The following LLGL1 variants were observed in gnomAD, a reference collection of about 807,000 sequenced individuals.
LLGL1 encodes LLGL scribble cell polarity complex component 1, also known as lethal(2) giant larvae protein homolog 1.
A neutral mutation model predicts 110.6 loss-of-function variants in LLGL1; 58 were observed. The ratio of observed to expected loss-of-function variants is 0.52; its 90% CI spans 0.42 to 0.65. The LOEUF (loss-of-function observed/expected upper bound fraction) is 0.65, where lower values mean the gene tolerates loss of function less well. Ranked by LOEUF, LLGL1 falls within the 30% of genes least tolerant of loss-of-function variation. LLGL1 has a pLI of 0.00. For missense variants in LLGL1, 1,229 were observed against 1,462.1 expected, an observed-to-expected ratio of 0.84 and a Z score of 2.60; for synonymous variants, 674 against 607.2, an observed-to-expected ratio of 1.11 and a Z score of -1.62.
Position 18,237,502 on chromosome 17 carries a change from G to C in LLGL1, c.1633G>C (p.Asp545His), listed in dbSNP as rs2047720197. ...AGQVLVLELS[D>H]VPVEQAVSVA... ...TCAGGTGCTGGTACTGGAGCTTAGTGATGTGCCGGTGGAGCAGGCGGTCAG... is the reference window on the plus strand; with the variant it reads ...TCAGGTGCTGGTACTGGAGCTTAGTCATGTGCCGGTGGAGCAGGCGGTCAG... Residue 545 changes from aspartate (D) to histidine (H), a missense_variant, in exon 14 of 23, where the codon GAT becomes CAT. Physicochemically the swap from Asp to His is moderately conservative, Grantham distance 81. Transcript: ENST00000316843. The C allele has an allele frequency of 6.3e-7, 1 of 1,594,152 alleles. No homozygotes were observed. Among genetic ancestry groups the C allele is most frequent in the Middle Eastern group, 2.3e-4 (1 of 4,394 alleles).
chr17:18,228,914 AG>A (rs1223517887), intron 1 of LLGL1, among the ~76,000 whole-genome samples: 4 of 151,712 alleles, frequency 2.6e-5, no homozygotes, highest in African/African-American at 7.3e-5. Flanking sequence ...AGCTGCCCAG[AG>A]GGCTCAGTCC....
At position 18,240,406 on chromosome 17, in the gene LLGL1, G is replaced by T. The variant is rs2047801743; in HGVS notation, c.2207-172G>T. Reference sequence around the variant, plus strand: ...GCTGGGGTCTCAGGCCTCGAGGCTGGAGGTCACCAGGGAGGCATGGGGCAG... The same window carrying T: ...GCTGGGGTCTCAGGCCTCGAGGCTGTAGGTCACCAGGGAGGCATGGGGCAG... On this transcript the variant is annotated intron_variant, in intron 16 of 22. Transcript: ENST00000316843. This position sits in a 1 kb window ranked among gnomAD's most constrained non-coding sequence, Gnocchi z 5.3. Among the ~76,000 whole-genome samples, 1 of 152,168 alleles carries T rather than the reference G, an allele frequency of 6.6e-6. No individual in the cohort carries two copies. The highest frequency in any genetic ancestry group is 2.4e-5 in the African/African-American group (1 of 41,432).
chr17:18,230,994 G>A (rs1329935651), intron 2 of LLGL1, among the ~76,000 whole-genome samples: 1 of 152,154 alleles, frequency 6.6e-6, no homozygotes, highest in Non-Finnish European at 1.5e-5. Flanking sequence ...CACATGCTCC[G>A]CTGCCTGGCC....
At position 18,237,741 on chromosome 17, in the gene LLGL1, C is replaced by T. The variant is rs766032688; in HGVS notation, c.1872C>T (p.Phe624=). 5.0e-6 allele frequency: 8 copies of T among 1,611,082 alleles called. No individual in the cohort carries two copies. Among genetic ancestry groups the T allele is most frequent in the East Asian group, 2.2e-5 (1 of 44,816 alleles). The change falls in exon 14 of 23, where the codon TTC becomes TTT. Residue 624 remains phenylalanine (F), a synonymous_variant. Transcript: ENST00000316843. ...GCACCAGTCATGGCTTTGGCCTCTT[C>T]GACTACCAGCGCAAGAGCCCTGTGC... ...AFGTSHGFGL[F]DYQRKSPVLA...
chr17:18,236,927 C>T lies in LLGL1; in HGVS notation c.1599C>T (p.Gly533=), dbSNP rs965910207. 3 of 1,612,464 alleles carry T rather than the reference C, an allele frequency of 1.9e-6. No individual in the cohort carries two copies. In the Admixed American group the frequency reaches 5.0e-5, roughly 27 times the overall value. The part of the protein sequence containing the change: ...CKYTAQMVVA[G]TAGQVLVLEL... Reference sequence around the variant, plus strand: ...ATACAGCCCAGATGGTGGTGGCTGGCACTGCAGGCCAGGTAGGGCTGGGTG... The same window carrying T: ...ATACAGCCCAGATGGTGGTGGCTGGTACTGCAGGCCAGGTAGGGCTGGGTG... Residue 533 remains glycine, a synonymous_variant, in exon 13 of 23, where the codon GGC becomes GGT. Transcript: ENST00000316843.
rs116670216 is a variant in LLGL1 at position 18,237,448 on chromosome 17, G to T, written c.1612-33G>T. The T allele has an allele frequency of 3.6e-3, 5,476 of 1,532,540 alleles. 163 individuals are homozygous for T. In the African/African-American group the frequency reaches 0.066, roughly 18 times the overall value. The allele number at this position is 1,532,540 out of a possible 1,614,324, so 94.9% of individuals were successfully genotyped here. Reference sequence around the variant, plus strand: ...GGGCCCAGGGCGGCCCCTCCCCTGCGCTGATGCTCCCCCTGCCTGGCTGTG... The same window carrying T: ...GGGCCCAGGGCGGCCCCTCCCCTGCTCTGATGCTCCCCCTGCCTGGCTGTG... On this transcript the variant is annotated intron_variant, in intron 13 of 22. Transcript: ENST00000316843.
chr17:18,234,687 C>T lies in LLGL1; in HGVS notation c.889C>T (p.Arg297Trp), dbSNP rs914359986. The change falls in exon 8 of 23, where the codon CGG becomes TGG. Residue 297 changes from arginine (R) to tryptophan (W), a missense_variant. Physicochemically the swap from Arg to Trp is moderately radical, Grantham distance 101 (BLOSUM62 -3). Transcript: ENST00000316843. ...CAAGGCCATTAACAAGATTCTGTGG[C>T]GGAACTGTGAATCTGGGTAGGTCGA... The part of the protein sequence containing the change: ...PCKAINKILW[R>W]NCESGGHFII... 1.2e-5 allele frequency: 20 copies of T among 1,613,956 alleles called. No individual in the cohort carries two copies. The highest frequency in any genetic ancestry group is 1.7e-5 in the Non-Finnish European group (20 of 1,180,014).
chr17:18,236,312 C>G, intron 11 of LLGL1: 1 of 396,414 alleles, frequency 2.5e-6, no homozygotes, highest in Admixed American at 4.1e-5. Context: ...CCCCAAAGTC[C>G]TCTGTTCTCT....
chr17:18,237,553 G>A lies in LLGL1; in HGVS notation c.1684G>A (p.Asp562Asn). The A allele has an allele frequency of 6.2e-7, 1 of 1,609,212 alleles. No individual in the cohort carries two copies. Residue 562 changes from aspartate (D) to asparagine (N), a missense_variant, in exon 14 of 23, where the codon GAC (aspartate) becomes AAC (asparagine). By Grantham distance (23) the Asp-to-Asn change is conservative (BLOSUM62 1). Coordinates refer to ENST00000316843, the MANE Select transcript of LLGL1 (RefSeq NM_004140.4). ...VSVAIIDLLQ[D>N]REGFTWKGHE... ...CGTGGCCATCATAGACCTCCTCCAG[G>A]ACCGCGAGGGCTTCACATGGAAGGG...
At chr17:18,227,137 G>A (rs1188017458) in intron 1 of LLGL1, among the ~76,000 whole-genome samples, 1 of 152,160 alleles carries the variant, frequency 6.6e-6, no homozygotes, top group African/African-American at 2.4e-5. Flanking sequence ...TGGGACGGCT[G>A]GACCTGGAGT....
At position 18,241,641 on chromosome 17, in the gene LLGL1, A is replaced by G. The variant is rs1349461957; in HGVS notation, c.2693A>G (p.Gln898Arg). Residue 898 changes from glutamine (Q) to arginine (R), a missense_variant, in exon 18 of 23, where the codon CAG becomes CGG. By Grantham distance (43) the Gln-to-Arg change is conservative. Transcript: ENST00000316843. Reference sequence around the variant, plus strand: ...TTCTCGGTGCCTGGCCTGCGGCCCCAGGTGCACTATTCCTGCATCCGGAAG... The same window carrying G: ...TTCTCGGTGCCTGGCCTGCGGCCCCGGGTGCACTATTCCTGCATCCGGAAG... ...HVFSVPGLRP[Q>R]VHYSCIRKED... is the part of the protein sequence containing the mutation. The G allele has an allele frequency of 6.2e-7, 1 of 1,613,610 alleles. No individual in the cohort carries two copies. The highest frequency in any genetic ancestry group is 1.7e-5 in the Admixed American group (1 of 60,012).
intron 13 of LLGL1, 149 bp from the exon 14 acceptor site, chr17:18,237,332 C>T: frequency 1.4e-6 from 1 of 739,514 alleles, no homozygotes; most frequent in Non-Finnish European, 2.2e-6. Context: ...AGTAGGCATT[C>T]AGTGAGTGCT....
intron 15 of LLGL1, 68 bp downstream of exon 15, chr17:18,238,282 A>C (rs1597874245): frequency 3.8e-6 from 6 of 1,597,502 alleles, no homozygotes; most frequent in Non-Finnish European, 5.1e-6. Context: ...CTGGCCTGGG[A>C]CCCCTGGGGC....
intron 14 of LLGL1, 69 bp downstream of exon 14, chr17:18,237,842 C>A: frequency 6.6e-7 from 1 of 1,508,740 alleles, no homozygotes; most frequent in Non-Finnish European, 8.9e-7. Flanking sequence ...TCCGTTTCCA[C>A]CTCTAGTGTT....
chr17:18,233,636 T>C lies in LLGL1; in HGVS notation c.393-142T>C, dbSNP rs1356867788. On this transcript the variant is annotated intron_variant, in intron 4 of 22. Transcript: ENST00000316843. ...GAGCGGGCTGATGATGATGCATGTC[T>C]TCCTGGGGTGGCTCTGTAAGTAGGC... 5.0e-6 allele frequency: 4 copies of C among 801,496 alleles called. No homozygotes were observed. The East Asian group carries it at 9.9e-5, about 20-fold the overall frequency. The allele number at this position is 801,496 out of a possible 1,614,324, so 49.6% of individuals were successfully genotyped here.
chr17:18,239,836 A>T (rs2047786381), intron 16 of LLGL1, among the ~76,000 whole-genome samples: 1 of 151,682 alleles, frequency 6.6e-6, no homozygotes, highest in Non-Finnish European at 1.5e-5. Context: ...GAGAAGGCCG[A>T]TGGGTTCATG....
rs146350733 is a variant in LLGL1 at position 18,235,112 on chromosome 17, G to A, written c.1084G>A (p.Ala362Thr). The A allele has an allele frequency of 3.6e-5, 58 of 1,613,922 alleles. No individual in the cohort carries two copies. The African/African-American group carries it at 7.3e-4, about 20-fold the overall frequency. The stretch of plus-strand genomic sequence containing the variant: ...AGAATTTGATGACCCCCAGGCCCTG[G>A]CTGTGCTGCTGGAAGAGGAGCTGGT... The part of the protein sequence containing the change: ...EDEFDDPQAL[A>T]VLLEEELVVL... The change falls in exon 10 of 23, where the codon GCT becomes ACT. Residue 362 changes from alanine (A) to threonine (T), a missense_variant. Ala to Thr is a moderately conservative substitution (Grantham distance 58, BLOSUM62 0). Coordinates refer to ENST00000316843, the MANE Select transcript of LLGL1 (RefSeq NM_004140.4).
rs114918739 is a variant in LLGL1, at chr17:18,240,972, T to C, written c.2502+99T>C. The stretch of plus-strand genomic sequence containing the variant: ...CCTCAAGAAACCCTTCCTGCCTGTA[T>C]CCCCCACTGTTGGGACCCTAATTCC... On this transcript the variant is annotated intron_variant, in intron 17 of 22. Coordinates refer to ENST00000316843, the MANE Select transcript of LLGL1 (RefSeq NM_004140.4). This position sits in a 1 kb window ranked among gnomAD's most constrained non-coding sequence, Gnocchi z 5.3. The C allele has an allele frequency of 2.0e-3, 2,524 of 1,259,452 alleles. 39 individuals carry two copies. The African/African-American group carries it at 0.034, about 17-fold the overall frequency. The allele number at this position is 1,259,452 out of a possible 1,614,324, so 78.0% of individuals were successfully genotyped here.
At chr17:18,236,575 T>G (rs1232041611) in intron 11 of LLGL1, 32 bp from the exon 12 acceptor site, 2 of 1,586,318 alleles carry the variant, frequency 1.3e-6, no homozygotes, top group Admixed American at 3.4e-5. Flanking sequence ...TCCCAGGAAC[T>G]CGGGTAGCCC....
Sources: gnomAD v4.1 joint callset for allele counts (sites outside exome capture counted in the v4.1 genomes callset) on GRCh38, gnomAD v4.1.1 for gene constraint, Gnocchi (gnomAD v3.1) non-coding constraint, MANE v1.5 for transcripts, NCBI Gene and HGNC (gene_info 2026-07-23, HGNC 2026-07-21) for gene names.